DDB1: variants seen among roughly 807,000 people sequenced by gnomAD.
The protein encoded by DDB1 is DNA damage-binding protein 1.
Under a neutral mutation model 133.1 loss-of-function variants are expected in DDB1, and 18 were observed. The observed-to-expected ratio is 0.14, with a 90% CI of 0.09 to 0.20. The LOEUF (loss-of-function observed/expected upper bound fraction) is 0.20, where lower values mean the gene tolerates loss of function less well. Ranked by LOEUF, DDB1 falls within the 10% of genes least tolerant of loss-of-function variation. DDB1 has a pLI of 1.00. For missense variants in DDB1, 828 were observed against 1,459.2 expected (o/e 0.57, Z 7.05); for synonymous variants, 580 against 550.5 (o/e 1.05, Z -0.75).
intron 9 of DDB1, 131 bp downstream of exon 9, chr11:61,322,165 T>A: frequency 1.3e-6 from 1 of 753,660 alleles, no homozygotes; most frequent in Admixed American, 2.1e-5. Context: ...GTTATCCTTA[T>A]ATCACTGGGA....
chr11:61,326,531 A>G (rs899159417), intron 5 of DDB1, among the ~76,000 whole-genome samples: 1 of 152,214 alleles, frequency 6.6e-6, no homozygotes, highest in Non-Finnish European at 1.5e-5. Context: ...AATGTTTTAT[A>G]GTCAATCCCT....
chr11:61,322,453 C>T lies in DDB1; in HGVS notation c.1006-41G>A, dbSNP rs28720290. ...AATGTTATGTTAGTCCTAGAACACC[C>T]TAACAGACCCACCCAAAAGAGATGG... On this transcript the variant is annotated intron_variant, in intron 8 of 26. Coordinates refer to ENST00000301764, the MANE Select transcript of DDB1 (RefSeq NM_001923.5). The T allele has an allele frequency of 2.6e-4, 382 of 1,451,956 alleles. No individual in the cohort carries two copies. The African/African-American group carries it at 4.7e-3, about 18-fold the overall frequency. 89.9% of individuals were successfully genotyped at this position (1,451,956 alleles called of 1,614,324 possible).
rs1301980251 is a variant in DDB1 at position 61,333,061 on chromosome 11, G to C, written c.-93C>G. 4 of 1,201,594 alleles carry C rather than the reference G, an allele frequency of 3.3e-6. No individual in the cohort carries two copies. The highest frequency in any genetic ancestry group is 1.7e-5 in the South Asian group (1 of 58,696). 74.4% of individuals were successfully genotyped at this position (1,201,594 alleles called of 1,614,324 possible). A position where few individuals can be genotyped will look rare whatever the true frequency, so the allele number is the denominator to read the frequency against. On this transcript the variant is annotated 5_prime_UTR_variant, in exon 1 of 27. Transcript: ENST00000301764. ...CAGGTGGCCCCCAACAGCGCGCAGC[G>C]AACTCCACTGCCGCTGCCTCCGCCC...
At chr11:61,310,582 T>C (rs1002425282) in intron 18 of DDB1, 164 bp from the exon 19 acceptor site, 6 of 696,666 alleles carry the variant, frequency 8.6e-6, no homozygotes, top group Middle Eastern at 4.1e-4. Context: ...AGAGGAGGCA[T>C]GTAGTTGAAA....
In DDB1 at chr11:61,313,859, C is replaced by T. The variant is rs1413023375; in HGVS notation, c.1861+3G>A. ...AGTCCCTCACTCAAAATACTACTCT[C>T]ACCTGTCTCAATGTTGAGCCCAAAG... is the stretch of plus-strand genomic sequence containing the variant. On this transcript the variant is annotated splice_donor_region_variant and intron_variant, in intron 15 of 26. Transcript: ENST00000301764. The T allele has an allele frequency of 1.2e-6, 2 of 1,613,918 alleles. No individual in the cohort carries two copies. Among genetic ancestry groups the T allele is most frequent in the Non-Finnish European group, 1.7e-6 (2 of 1,179,920 alleles).
At chr11:61,327,610 A>G (rs574807694) in intron 4 of DDB1, 1 of 152,404 alleles carries the variant, frequency 6.6e-6, no homozygotes, top group South Asian at 2.1e-4. Context: ...AATGGTAGAG[A>G]GAACACAATT....
At chr11:61,316,952 T>G (rs1175919460) in intron 10 of DDB1, among the ~76,000 whole-genome samples, 15 of 6,944 alleles carry the variant, frequency 2.2e-3, no homozygotes, top group Middle Eastern at 0.031. Context: ...GATAGATATA[T>G]ATATATATAT....
At chr11:61,305,432 G>C (rs1855868255) in intron 21 of DDB1, among the ~76,000 whole-genome samples, 1 of 152,216 alleles carries the variant, frequency 6.6e-6, no homozygotes, top group Non-Finnish European at 1.5e-5. Flanking sequence ...TCTTCAACCA[G>C]GGAGTCGGAG....
chr11:61,331,208 C>A (rs1406594124), intron 2 of DDB1, among the ~76,000 whole-genome samples: 1 of 152,196 alleles, frequency 6.6e-6, no homozygotes, highest in Non-Finnish European at 1.5e-5. Flanking sequence ...TCTCCTTTTA[C>A]TTCTAGAAAG....
intron 16 of DDB1, 32 bp from the exon 17 acceptor site, chr11:61,312,116 A>G: frequency 6.2e-7 from 1 of 1,604,586 alleles, no homozygotes; most frequent in Non-Finnish European, 8.5e-7. Flanking sequence ...TAGACTGAGG[A>G]GACTCAAGGA....
At chr11:61,315,869 T>A (rs909901455) in intron 12 of DDB1, 2 of 160,170 alleles carry the variant, frequency 1.2e-5, no homozygotes, top group Admixed American at 1.2e-4. Context: ...TATTGGATGG[T>A]AGCATCATGA....
chr11:61,300,590 A>C (rs941637559), intron 26 of DDB1, among the ~76,000 whole-genome samples: 1 of 152,240 alleles, frequency 6.6e-6, no homozygotes, highest in African/African-American at 2.4e-5. Flanking sequence ...TAACATGGGT[A>C]GAGTTACTAG....
At chr11:61,317,570 G>C (rs149557788) in intron 10 of DDB1, among the ~76,000 whole-genome samples, 2 of 151,956 alleles carry the variant, frequency 1.3e-5, no homozygotes, top group Admixed American at 6.6e-5. Flanking sequence ...GCAATGGCAC[G>C]ATCTCGGCTC....
chr11:61,321,378 C>T (rs375371877), intron 10 of DDB1: 56 of 462,556 alleles, frequency 1.2e-4, no homozygotes, highest in African/African-American at 1.0e-3. Flanking sequence ...TCCTCTATTC[C>T]ACTACCAATT....
At position 61,303,952 on chromosome 11, in the gene DDB1, C is replaced by A; in HGVS notation, c.2745G>T (p.Lys915Asn). The A allele has an allele frequency of 6.2e-7, 1 of 1,614,050 alleles. No homozygotes were observed. The highest frequency in any genetic ancestry group is 8.5e-7 in the Non-Finnish European group (1 of 1,180,012). Reference protein sequence around the residue: ...HYNNIMALYLKTKGDFILVGD... With the variant: ...HYNNIMALYLNTKGDFILVGD... The stretch of plus-strand genomic sequence containing the variant: ...CCACCAGGATGAAGTCGCCCTTGGT[C>A]TTCAGGTAGAGGGCCATGATGTTGT... The change falls in exon 22 of 27, where the codon AAG becomes AAT. Residue 915 changes from lysine to asparagine, a missense_variant. By Grantham distance (94) the Lys-to-Asn change is moderately conservative (BLOSUM62 0). Coordinates refer to ENST00000301764, the MANE Select transcript of DDB1 (RefSeq NM_001923.5).
chr11:61,325,575 A>C (rs376557422), intron 6 of DDB1, 36 bp downstream of exon 6: 272 of 1,571,048 alleles, frequency 1.7e-4, no homozygotes, highest in Non-Finnish European at 2.0e-4. Flanking sequence ...CAAGGAAAGA[A>C]AAGATGAAAG....
intron 21 of DDB1, 55 bp from the exon 22 acceptor site, chr11:61,304,090 C>T: frequency 6.3e-7 from 1 of 1,595,056 alleles, no homozygotes; most frequent in Non-Finnish European, 8.6e-7. Flanking sequence ...CTCAGAATGA[C>T]TCCCCCCAAC....
chr11:61,325,351 C>G (rs1856252232), intron 6 of DDB1, among the ~76,000 whole-genome samples: 1 of 151,988 alleles, frequency 6.6e-6, no homozygotes, highest in African/African-American at 2.4e-5. Context: ...GTCTCTTTGA[C>G]AAAAAAAGTT....
intron 22 of DDB1, among the ~76,000 whole-genome samples, chr11:61,303,510 A>C (rs939166003): frequency 1.3e-5 from 2 of 152,040 alleles, no homozygotes; most frequent in African/African-American, 4.8e-5. Context: ...AACAAGGTGA[A>C]ACCCCGTCTC....
Sources: gnomAD v4.1 joint callset for allele counts (sites outside exome capture counted in the v4.1 genomes callset) on GRCh38, gnomAD v4.1.1 for gene constraint, MANE v1.5 for transcripts, NCBI Gene and HGNC (gene_info 2026-07-23, HGNC 2026-07-21) for gene names.